TUBB4A: variants seen among roughly 807,000 people sequenced by gnomAD.
TUBB4A encodes the protein tubulin beta-4A chain.
Under a neutral mutation model 35.1 loss-of-function variants are expected in TUBB4A, and 13 were observed. That is an observed-to-expected ratio of 0.37 (90% confidence interval 0.24 to 0.59). The LOEUF (loss-of-function observed/expected upper bound fraction) is 0.59, where lower values mean the gene tolerates loss of function less well. TUBB4A is among the 20% of genes least tolerant of loss of function. TUBB4A has a pLI of 0.71. For synonymous variants in TUBB4A, 279 were observed against 272.4 expected (o/e 1.02, Z -0.24); for missense variants, 299 against 647.2 (o/e 0.46, Z 5.84).
In TUBB4A at chr19:6,502,266, C is replaced by A. The variant is rs776917713; in HGVS notation, c.-54G>T. On this transcript the variant is annotated 5_prime_UTR_variant, in exon 1 of 4. Coordinates refer to ENST00000264071, the MANE Select transcript of TUBB4A (RefSeq NM_006087.4). ...GCGGTGGCACGAGCGCGGGGAGCTG[C>A]GGCGGCGGCGAGGGTGGAAGATGCG... 8.2e-6 allele frequency: 12 copies of A among 1,464,992 alleles called. No individual in the cohort carries two copies. The African/African-American group carries it at 1.5e-4, about 18-fold the overall frequency. The allele number at this position is 1,464,992 out of a possible 1,614,324, so 90.7% of individuals were successfully genotyped here. A position where few individuals can be genotyped will look rare whatever the true frequency, so the allele number is the denominator to read the frequency against.
In TUBB4A at chr19:6,502,253, G is replaced by T. The variant is rs1202120608; in HGVS notation, c.-41C>A. ...GGTGGACGCGGCGGCGGTGGCACGAGCGCGGGGAGCTGCGGCGGCGGCGAG... is the reference window on the plus strand; with the variant it reads ...GGTGGACGCGGCGGCGGTGGCACGATCGCGGGGAGCTGCGGCGGCGGCGAG... On this transcript the variant is annotated 5_prime_UTR_variant, in exon 1 of 4. Coordinates refer to ENST00000264071, the MANE Select transcript of TUBB4A (RefSeq NM_006087.4). The T allele has an allele frequency of 1.3e-6, 2 of 1,490,454 alleles. No individual in the cohort carries two copies. Among genetic ancestry groups the T allele is most frequent in the East Asian group, 2.7e-5 (1 of 36,378 alleles). 92.3% of individuals were successfully genotyped at this position (1,490,454 alleles called of 1,614,324 possible). A position where few individuals can be genotyped will look rare whatever the true frequency, so the allele number is the denominator to read the frequency against.
chr19:6,499,011 G>T (rs1202201215), intron 3 of TUBB4A, among the ~76,000 whole-genome samples: 1 of 152,140 alleles, frequency 6.6e-6, no homozygotes, highest in Non-Finnish European at 1.5e-5. Context: ...GGGTGGCCAG[G>T]GGGTGGGAGG....
upstream of TUBB4A, chr19:6,502,368 C>T (rs1914583528): frequency 1.3e-6 from 1 of 789,282 alleles, no homozygotes; most frequent in African/African-American, 1.9e-5. Context: ...CACGGCCGGT[C>T]ACCCTCCCGC....
At chr19:6,502,423 G>C (rs752515771), upstream of TUBB4A, 38 of 545,062 alleles carry the variant, frequency 7.0e-5, no homozygotes, top group Non-Finnish European at 1.0e-4. Flanking sequence ...GGGCTGGGGT[G>C]GGGGGAGGTG....
At chr19:6,496,883 C>A (rs1166223119) in intron 3 of TUBB4A, among the ~76,000 whole-genome samples, 1 of 142,196 alleles carries the variant, frequency 7.0e-6, no homozygotes, top group Non-Finnish European at 1.5e-5. Flanking sequence ...CAAGACTGGG[C>A]ACAGTGGCTC....
chr19:6,497,017 AAAAAAAAATATATATATATATATATAT>A (rs1914247537), intron 3 of TUBB4A, among the ~76,000 whole-genome samples: 2 of 51,688 alleles, frequency 3.9e-5, no homozygotes, highest in Non-Finnish European at 7.2e-5. Context: ...AAAAAAAAAA[AAAAAAAAATATATATATATATATATAT>A]ATATATATAT....
chr19:6,502,073 C>T, intron 1 of TUBB4A, 83 bp downstream of exon 1: 1 of 1,423,592 alleles, frequency 7.0e-7, no homozygotes, highest in Non-Finnish European at 9.3e-7. Flanking sequence ...CAAAGACTCC[C>T]AGGTTGCGGG....
At chr19:6,497,917 A>AG (rs1043685141) in intron 3 of TUBB4A, among the ~76,000 whole-genome samples, 11 of 136,344 alleles carry the variant, frequency 8.1e-5, no homozygotes, top group African/African-American at 2.8e-4. Context: ...AAAAAAAAAA[A>AG]AAGAAGAATA....
Position 6,495,737 on chromosome 19 carries a change from G to A in TUBB4A, c.762C>T (p.Ala254=), listed in dbSNP as rs376346277. The A allele has an allele frequency of 2.1e-4, 335 of 1,614,128 alleles. 4 individuals carry two copies. In the South Asian group the frequency reaches 3.0e-3, roughly 14 times the overall value. The change falls in exon 4 of 4, where the codon GCC becomes GCT. Residue 254 remains alanine, a synonymous_variant. Coordinates refer to ENST00000264071, the MANE Select transcript of TUBB4A (RefSeq NM_006087.4). This position sits in a 1 kb window ranked among gnomAD's most constrained non-coding sequence, Gnocchi z 8.7. ...GQLNADLRKL[A]VNMVPFPRLH... is the part of the protein sequence containing the mutation. Reference sequence around the variant, plus strand: ...GGCGAGGAAAGGGAACCATGTTGACGGCCAGCTTGCGCAGGTCGGCGTTCA... The same window carrying A: ...GGCGAGGAAAGGGAACCATGTTGACAGCCAGCTTGCGCAGGTCGGCGTTCA...
In TUBB4A at chr19:6,495,061, C is replaced by T. The variant is rs1028448981; in HGVS notation, c.*103G>A. The T allele has an allele frequency of 2.9e-6, 4 of 1,402,438 alleles. No homozygotes were observed. Among genetic ancestry groups the T allele is most frequent in the Non-Finnish European group, 3.9e-6 (4 of 1,026,226 alleles). 86.9% of individuals were successfully genotyped at this position (1,402,438 alleles called of 1,614,324 possible). ...GGTATTGTTAGGGTCAGCGGGGAGT[C>T]AGCCTTGGAGGGAAAGCGGGGCTCT... On this transcript the variant is annotated 3_prime_UTR_variant, in exon 4 of 4. Coordinates refer to ENST00000264071, the MANE Select transcript of TUBB4A (RefSeq NM_006087.4). The surrounding 1 kb of genome is among the most constrained non-coding windows in gnomAD (Gnocchi z 8.7).
rs1914113945 is a variant in TUBB4A at position 6,495,597 on chromosome 19, G to A, written c.902C>T (p.Ala301Val). Residue 301 changes from alanine (A) to valine (V), a missense_variant, in exon 4 of 4, where the codon GCG (alanine) becomes GTG (valine). Around this residue, in one of 5 missense-constraint regions of TUBB4A, gnomAD observed 125 missense variants for 279.1 expected, o/e 0.45. Transcript: ENST00000264071. The surrounding 1 kb of genome is among the most constrained non-coding windows in gnomAD (Gnocchi z 8.7). ...QQMFDAKNMM[A>V]ACDPRHGRYL... ...GCGGCCGTGGCGCGGGTCGCACGCC[G>A]CCATCATGTTCTTGGCATCGAACAT... 3 of 1,613,998 alleles carry A rather than the reference G, an allele frequency of 1.9e-6. No homozygotes were observed. Among genetic ancestry groups the A allele is most frequent in the Non-Finnish European group, 2.5e-6 (3 of 1,179,922 alleles).
intron 3 of TUBB4A, among the ~76,000 whole-genome samples, chr19:6,497,175 C>T (rs1355036608): frequency 6.8e-6 from 1 of 146,384 alleles, no homozygotes; most frequent in African/African-American, 2.5e-5. Flanking sequence ...TATGATCACA[C>T]CATTGCAGCC....
rs1459811601 is a variant in TUBB4A, at chr19:6,501,452, C to CG, written c.167-56dup. 3 of 1,600,682 alleles carry CG rather than the reference C, an allele frequency of 1.9e-6. No individual in the cohort carries two copies. Among genetic ancestry groups the CG allele is most frequent in the African/African-American group, 2.7e-5 (2 of 74,800 alleles). ...ATGCGTGCCAGGAACCACAGGCGCC[C>CG]GGTAGCATCCTGTTCCCTCCCAGCT... On this transcript the variant is annotated intron_variant, in intron 2 of 3. Transcript: ENST00000264071. This position sits in a 1 kb window ranked among gnomAD's most constrained non-coding sequence, Gnocchi z 4.2.
upstream of TUBB4A, chr19:6,502,366 G>A (rs1914583382): frequency 6.2e-6 from 5 of 811,368 alleles, no homozygotes; most frequent in East Asian, 3.3e-5. Flanking sequence ...GTCACGGCCG[G>A]TCACCCTCCC....
rs371914924 is a variant in TUBB4A at position 6,495,168 on chromosome 19, G to A, written c.1331C>T (p.Ala444Val). The A allele has an allele frequency of 6.1e-5, 99 of 1,613,754 alleles. No individual in the cohort carries two copies. Among genetic ancestry groups the A allele is most frequent in the Non-Finnish European group, 7.8e-5 (92 of 1,179,824 alleles). Residue 444 changes from alanine to valine, a missense_variant, in exon 4 of 4, where the codon GCC (alanine) becomes GTC (valine). Around this residue, in one of 5 missense-constraint regions of TUBB4A, gnomAD observed 125 missense variants for 279.1 expected, o/e 0.45. Transcript: ENST00000264071. The surrounding 1 kb of genome is among the most constrained non-coding windows in gnomAD (Gnocchi z 8.7). ...GTGGGAAGCGATGGGAGCAGCCTAG[G>A]CCACCTCCTCCTCCGCCTCCTCCTC... ...EFEEEAEEEV[A>V] is the part of the protein sequence containing the mutation.
At chr19:6,498,141 G>A (rs1914347373) in intron 3 of TUBB4A, among the ~76,000 whole-genome samples, 1 of 150,200 alleles carries the variant, frequency 6.7e-6, no homozygotes, top group Admixed American at 6.7e-5. Context: ...AACCCAGGAG[G>A]TGGAGCTTGC....
In TUBB4A at chr19:6,501,479, C is replaced by A; in HGVS notation, c.166+36G>T. On this transcript the variant is annotated intron_variant, in intron 2 of 3. Transcript: ENST00000264071. The surrounding 1 kb of genome is among the most constrained non-coding windows in gnomAD (Gnocchi z 4.2). ...GTAGCATCCTGTTCCCTCCCAGCTG[C>A]CCCTTCCCACCTGGAAGGTGCCTCC... The A allele has an allele frequency of 1.2e-6, 2 of 1,606,384 alleles. No individual in the cohort carries two copies. The highest frequency in any genetic ancestry group is 1.7e-6 in the Non-Finnish European group (2 of 1,174,210).
rs907441629 is a variant in TUBB4A at position 6,495,647 on chromosome 19, C to T, written c.852G>A (p.Leu284=). 6.8e-6 allele frequency: 11 copies of T among 1,613,956 alleles called. No individual in the cohort carries two copies. The African/African-American group carries it at 1.3e-4, about 20-fold the overall frequency. ...TSRGSQQYRA[L]TVPELTQQMF... is the part of the protein sequence containing the mutation. ...TCTGCTGGGTGAGCTCGGGCACCGT[C>T]AGGGCCCGGTACTGCTGGCTGCCCC... The change falls in exon 4 of 4, where the codon CTG becomes CTA. Residue 284 remains leucine (L), a synonymous_variant. Transcript: ENST00000264071. This position sits in a 1 kb window ranked among gnomAD's most constrained non-coding sequence, Gnocchi z 8.7.
rs1260161201 is a variant in TUBB4A, at chr19:6,501,981, T to C, written c.57+175A>G. ...CTCTCCGCAGCCTCTTTGTTCCCAGTCTGGCCCTGCCACCCCCACCCCGCG... is the reference window on the plus strand; with the variant it reads ...CTCTCCGCAGCCTCTTTGTTCCCAGCCTGGCCCTGCCACCCCCACCCCGCG... On this transcript the variant is annotated intron_variant, in intron 1 of 3. Transcript: ENST00000264071. This position sits in a 1 kb window ranked among gnomAD's most constrained non-coding sequence, Gnocchi z 4.2. Among the ~76,000 whole-genome samples the C allele has an allele frequency of 6.6e-6, 1 of 152,082 alleles. No homozygotes were observed. Among genetic ancestry groups the C allele is most frequent in the African/African-American group, 2.4e-5 (1 of 41,412 alleles).
Sources: allele counts gnomAD v4.1 joint callset (sites outside exome capture counted in the v4.1 genomes callset), GRCh38; gene constraint gnomAD v4.1.1; regional missense constraint gnomAD v4.1.1; non-coding constraint Gnocchi (gnomAD v3.1); transcripts MANE v1.5; gene names NCBI Gene and HGNC (gene_info 2026-07-23, HGNC 2026-07-21).